RGS21: variants seen among roughly 807,000 people sequenced by gnomAD.
RGS21 encodes regulator of G protein signaling 21, also known as regulator of G-protein signalling 21.
Under a neutral mutation model 18.7 loss-of-function variants are expected in RGS21, and 19 were observed. The observed-to-expected ratio is 1.01, with a 90% CI of 0.71 to 1.49. The LOEUF (loss-of-function observed/expected upper bound fraction) is 1.49. Among genes scored for constraint, RGS21 ranks in the 40% most tolerant of loss-of-function variants. RGS21 has a pLI of 0.00. For synonymous variants in RGS21, 56 were observed against 57.8 expected (o/e 0.97, Z 0.14); for missense variants, 194 against 176.8 (o/e 1.10, Z -0.55).
chr1:192,339,682 C>T (rs1046860051), intron 1 of RGS21, among the ~76,000 whole-genome samples: 4 of 152,084 alleles, frequency 2.6e-5, no homozygotes, highest in East Asian at 1.9e-4. Context: ...CTTGTTCTCT[C>T]GTGTTTGGAC....
At chr1:192,362,137 G>A (rs1030844845) in intron 4 of RGS21, among the ~76,000 whole-genome samples, 2 of 152,076 alleles carry the variant, frequency 1.3e-5, no homozygotes, top group African/African-American at 2.4e-5. Context: ...ACATATTAAA[G>A]TCAGGGTGTG....
intron 4 of RGS21, among the ~76,000 whole-genome samples, chr1:192,362,465 A>T (rs753286858): frequency 1.3e-5 from 2 of 152,230 alleles, no homozygotes; most frequent in Non-Finnish European, 2.9e-5. Flanking sequence ...CAAACACACA[A>T]CATAAGTGAT....
At chr1:192,323,402 G>T (rs1337307131) in intron 1 of RGS21, among the ~76,000 whole-genome samples, 1 of 152,122 alleles carries the variant, frequency 6.6e-6, no homozygotes, top group Non-Finnish European at 1.5e-5. Flanking sequence ...TTACGGCTCT[G>T]TTGCAGGCAC....
At chr1:192,342,570 A>G (rs1658887817) in intron 1 of RGS21, among the ~76,000 whole-genome samples, 1 of 151,940 alleles carries the variant, frequency 6.6e-6, no homozygotes, top group African/African-American at 2.4e-5. Context: ...AGCCCTCCTC[A>G]GATTCTCTGA....
At chr1:192,323,487 G>C (rs945401643) in intron 1 of RGS21, among the ~76,000 whole-genome samples, 7 of 151,930 alleles carry the variant, frequency 4.6e-5, no homozygotes, top group African/African-American at 1.7e-4. Context: ...TATGAAGAAA[G>C]TATATAACAT....
At chr1:192,320,274 T>C (rs561343508) in intron 1 of RGS21, among the ~76,000 whole-genome samples, 25 of 152,154 alleles carry the variant, frequency 1.6e-4, no homozygotes, top group African/African-American at 5.8e-4. Flanking sequence ...CTTGTACCCC[T>C]GAACTTAAAA....
At position 192,352,107 on chromosome 1, in the gene RGS21, T is replaced by C. The variant is rs775284190; in HGVS notation, c.149T>C (p.Phe50Ser). ...KSEFSEENVE[F>S]WLACEDFKKT... ...GAGTTTAGTGAAGAAAATGTTGAGT[T>C]CTGGCTTGCCTGTGAAGACTTTAAG... is the stretch of plus-strand genomic sequence containing the variant. Residue 50 changes from phenylalanine (F) to serine (S), a missense_variant, in exon 4 of 5, where the codon TTC (phenylalanine) becomes TCC (serine). Transcript: ENST00000417209. 2 of 1,610,602 alleles carry C rather than the reference T, an allele frequency of 1.2e-6. No individual in the cohort carries two copies. Among genetic ancestry groups the C allele is most frequent in the South Asian group, 2.2e-5 (2 of 90,718 alleles).
chr1:192,360,587 T>C (rs1659172976), intron 4 of RGS21, among the ~76,000 whole-genome samples: 1 of 152,110 alleles, frequency 6.6e-6, no homozygotes, highest in Non-Finnish European at 1.5e-5. Flanking sequence ...TTACACCACA[T>C]GGGAGCCAGC....
rs112543905 is a variant in RGS21, at chr1:192,320,520, G to A, written c.-61+3415G>A. On this transcript the variant is annotated intron_variant, in intron 1 of 4. Transcript: ENST00000417209. ...AAGGAATGTGTATGTGTATGTGTATGTGTATATGTATGTGTATGTGTATGT... is the reference window on the plus strand; with the variant it reads ...AAGGAATGTGTATGTGTATGTGTATATGTATATGTATGTGTATGTGTATGT... 1.2e-3 allele frequency among the ~76,000 whole-genome samples: 113 copies of A among 97,918 alleles called. 1 individual carries two copies. The highest frequency in any genetic ancestry group is 4.2e-3 in the African/African-American group (89 of 21,224). The allele number at this position is 97,918 out of a possible 152,430, so 64.2% of individuals were successfully genotyped here. A position where few individuals can be genotyped will look rare whatever the true frequency, so the allele number is the denominator to read the frequency against.
chr1:192,364,546 C>G (rs888518332), intron 4 of RGS21, among the ~76,000 whole-genome samples: 1 of 152,068 alleles, frequency 6.6e-6, no homozygotes, highest in Admixed American at 6.6e-5. Context: ...GAAACTGCTT[C>G]ACTCATGCAA....
At chr1:192,333,302 A>T (rs530230840) in intron 1 of RGS21, among the ~76,000 whole-genome samples, 1 of 151,504 alleles carries the variant, frequency 6.6e-6, no homozygotes, top group South Asian at 2.1e-4. Flanking sequence ...ACACACACAC[A>T]CTTACCATAG....
chr1:192,336,958 A>T (rs1382174301), intron 1 of RGS21, among the ~76,000 whole-genome samples: 1 of 152,178 alleles, frequency 6.6e-6, no homozygotes, highest in African/African-American at 2.4e-5. Flanking sequence ...GGTAGAAGTT[A>T]TTCATAGTTG....
intron 4 of RGS21, among the ~76,000 whole-genome samples, chr1:192,355,455 G>T (rs1375695617): frequency 6.6e-6 from 1 of 151,324 alleles, no homozygotes; most frequent in Non-Finnish European, 1.5e-5. Context: ...ATAAAAATGG[G>T]TTTGCAAATT....
At chr1:192,350,656 T>C (rs1041886019) in intron 3 of RGS21, among the ~76,000 whole-genome samples, 4 of 152,170 alleles carry the variant, frequency 2.6e-5, no homozygotes, top group South Asian at 4.1e-4. Context: ...CTCAGAGATA[T>C]ACATTCTCAA....
chr1:192,317,934 A>G (rs983454600), intron 1 of RGS21, among the ~76,000 whole-genome samples: 2 of 152,068 alleles, frequency 1.3e-5, no homozygotes, highest in Non-Finnish European at 2.9e-5. Context: ...ACTCAAGATG[A>G]AATGGTTGTT....
At chr1:192,332,723 T>C (rs1658675665) in intron 1 of RGS21, among the ~76,000 whole-genome samples, 1 of 152,116 alleles carries the variant, frequency 6.6e-6, no homozygotes, top group South Asian at 2.1e-4. Context: ...GGAGTTCATA[T>C]CTACTATACA....
intron 1 of RGS21, among the ~76,000 whole-genome samples, chr1:192,340,925 G>C (rs943178625): frequency 2.0e-5 from 3 of 152,136 alleles, no homozygotes; most frequent in Middle Eastern, 3.4e-3. Context: ...CCCACAATAC[G>C]TGAGAATTAT....
chr1:192,354,265 T>C (rs1659082491), intron 4 of RGS21, among the ~76,000 whole-genome samples: 1 of 151,748 alleles, frequency 6.6e-6, no homozygotes, highest in African/African-American at 2.4e-5. Context: ...TAAAGCTTCA[T>C]TTAAAGTTCA....
At chr1:192,339,878 TC>T (rs1390826215) in intron 1 of RGS21, among the ~76,000 whole-genome samples, 4 of 151,838 alleles carry the variant, frequency 2.6e-5, no homozygotes, top group African/African-American at 7.3e-5. Context: ...AGAAATACCT[TC>T]TATGATTCTG....
Sources: gnomAD v4.1 joint callset for allele counts (sites outside exome capture counted in the v4.1 genomes callset) on GRCh38, gnomAD v4.1.1 for gene constraint, MANE v1.5 for transcripts, NCBI Gene and HGNC (gene_info 2026-07-23, HGNC 2026-07-21) for gene names.